The following DNAH10 variants were observed in gnomAD, a reference collection of about 807,000 sequenced individuals.
DNAH10 encodes dynein axonemal heavy chain 10, also known as axonemal beta dynein heavy chain 10.
Under a neutral mutation model 506.6 loss-of-function variants are expected in DNAH10, and 348 were observed. The ratio of observed to expected loss-of-function variants is 0.69; its 90% CI spans 0.63 to 0.75. The LOEUF is 0.75. DNAH10 is among the 30% of genes least tolerant of loss of function. DNAH10 has a pLI of 0.00. For missense variants in DNAH10, 5,179 were observed against 5,787.1 expected (o/e 0.89, Z 3.41); for synonymous variants, 2,059 against 2,198.6 (o/e 0.94, Z 1.78).
intron 67 of DNAH10, 148 bp from the exon 68 acceptor site, chr12:123,924,902 G>C (rs1954873465): frequency 1.9e-6 from 2 of 1,027,498 alleles, no homozygotes; most frequent in African/African-American, 1.6e-5. Context: ...TTTGGGGGTA[G>C]AGAATGACAG....
intron 10 of DNAH10, among the ~76,000 whole-genome samples, chr12:123,788,570 G>T (rs918487779): frequency 7.2e-5 from 11 of 152,200 alleles, no homozygotes; most frequent in Non-Finnish European, 1.5e-4. Flanking sequence ...CGGTGTGGCA[G>T]TGCCCAGCCC....
chr12:123,818,320 T>G (rs896578121), intron 21 of DNAH10, among the ~76,000 whole-genome samples: 1 of 152,212 alleles, frequency 6.6e-6, no homozygotes, highest in African/African-American at 2.4e-5. Flanking sequence ...TAATATTTAT[T>G]TTTATTTTAC....
chr12:123,912,926 A>C (rs1442694892), intron 59 of DNAH10, among the ~76,000 whole-genome samples, 172 bp from the exon 60 acceptor site: 2 of 152,210 alleles, frequency 1.3e-5, no homozygotes, highest in Non-Finnish European at 2.9e-5. Context: ...TTTTTGCAGC[A>C]AACAGTCGAA....
intron 24 of DNAH10, among the ~76,000 whole-genome samples, chr12:123,823,511 A>C (rs1959641887): frequency 6.6e-6 from 1 of 152,240 alleles, no homozygotes; most frequent in Non-Finnish European, 1.5e-5. Flanking sequence ...TGCCTGCACC[A>C]GGCAAAAAAT....
At chr12:123,772,261 T>C (rs1957280881) in intron 3 of DNAH10, among the ~76,000 whole-genome samples, 1 of 152,176 alleles carries the variant, frequency 6.6e-6, no homozygotes, top group African/African-American at 2.4e-5. Flanking sequence ...AAACAGGCAT[T>C]CACCAAACTC....
At chr12:123,830,806 G>A (rs1021070605) in intron 26 of DNAH10, 107 bp downstream of exon 26, 28 of 1,149,816 alleles carry the variant, frequency 2.4e-5, no homozygotes, top group African/African-American at 2.1e-4. Flanking sequence ...TTAGCTGAGC[G>A]TGGTGGTATG....
At chr12:123,877,247 C>G (rs978192943) in intron 47 of DNAH10, among the ~76,000 whole-genome samples, 1 of 152,024 alleles carries the variant, frequency 6.6e-6, no homozygotes, top group Admixed American at 6.6e-5. Context: ...GCTTGCTTCA[C>G]TCCTCATCAT....
intron 44 of DNAH10, 139 bp downstream of exon 44, chr12:123,870,624 G>C: frequency 7.8e-7 from 1 of 1,289,134 alleles, no homozygotes; most frequent in Non-Finnish European, 1.0e-6. Context: ...TGAAGAGGGT[G>C]AGCTGTGGGC....
intron 61 of DNAH10, 137 bp downstream of exon 61, chr12:123,914,687 C>A: frequency 7.2e-7 from 1 of 1,387,336 alleles, no homozygotes; most frequent in Non-Finnish European, 9.6e-7. Context: ...TGGAAGTGGC[C>A]GGGCAAGCTG....
rs1955037206 is a variant in DNAH10 at position 123,928,357 on chromosome 12, C to T, written c.12106-30C>T. 2 of 1,557,242 alleles carry T rather than the reference C, an allele frequency of 1.3e-6. No individual in the cohort carries two copies. Among genetic ancestry groups the T allele is most frequent in the African/African-American group, 1.4e-5 (1 of 73,478 alleles). On this transcript the variant is annotated intron_variant, in intron 69 of 78. Coordinates refer to ENST00000673944, the MANE Select transcript of DNAH10 (RefSeq NM_001372106.1). The surrounding 1 kb of genome is among the most constrained non-coding windows in gnomAD (Gnocchi z 4.9). ...CACGGGGTTGGGTTTGGATGCCAAC[C>T]CCTCTCCTCTTCCCTCTCCCCCGGC...
intron 1 of DNAH10, among the ~76,000 whole-genome samples, chr12:123,764,064 C>T (rs939407190): frequency 6.6e-6 from 1 of 152,086 alleles, no homozygotes; most frequent in Non-Finnish European, 1.5e-5. Context: ...CAGGGTTTCA[C>T]CATGTTGGCC....
chr12:123,806,753 T>G (rs1488667688), intron 18 of DNAH10, among the ~76,000 whole-genome samples: 3 of 151,982 alleles, frequency 2.0e-5, no homozygotes, highest in Non-Finnish European at 2.9e-5. Context: ...AGTGTTTCCC[T>G]TACTAATATG....
chr12:123,878,895 T>G (rs1359216669), intron 48 of DNAH10, among the ~76,000 whole-genome samples: 5 of 152,134 alleles, frequency 3.3e-5, no homozygotes, highest in Admixed American at 1.3e-4. Context: ...AGACCCCACC[T>G]CTTAAAAAAA....
intron 35 of DNAH10, among the ~76,000 whole-genome samples, chr12:123,851,378 T>C (rs1951168846): frequency 6.6e-6 from 1 of 151,190 alleles, no homozygotes; most frequent in African/African-American, 2.5e-5. Flanking sequence ...ATGTGGCTCT[T>C]CCAGACTGGG....
chr12:123,858,555 C>T (rs532353778), intron 37 of DNAH10, among the ~76,000 whole-genome samples: 58 of 152,282 alleles, frequency 3.8e-4, no homozygotes, highest in Middle Eastern at 3.4e-3. Flanking sequence ...CCGAGAGTTA[C>T]CATAAGACCC....
chr12:123,846,275 C>G lies in DNAH10; in HGVS notation c.5814+121C>G. ...AGGGGAGATCATTGCTTTGAAATCT[C>G]GAAAAGCTTTTCCATTTGGGATGTG... is the stretch of plus-strand genomic sequence containing the variant. On this transcript the variant is annotated intron_variant, in intron 32 of 78. Coordinates refer to ENST00000673944, the MANE Select transcript of DNAH10 (RefSeq NM_001372106.1). This position sits in a 1 kb window ranked among gnomAD's most constrained non-coding sequence, Gnocchi z 4.5. The G allele has an allele frequency of 7.8e-7, 1 of 1,279,114 alleles. No homozygotes were observed. Among genetic ancestry groups the G allele is most frequent in the South Asian group, 1.6e-5 (1 of 63,552 alleles). The allele number at this position is 1,279,114 out of a possible 1,614,324, so 79.2% of individuals were successfully genotyped here. A position where few individuals can be genotyped will look rare whatever the true frequency, so the allele number is the denominator to read the frequency against.
chr12:123,841,237 G>A, intron 29 of DNAH10, 85 bp from the exon 30 acceptor site: 1 of 1,425,098 alleles, frequency 7.0e-7, no homozygotes, highest in Non-Finnish European at 9.9e-7. Flanking sequence ...CATCGTGGCA[G>A]CTCTGCTGGA....
At chr12:123,801,761 C>T (rs143870680) in intron 16 of DNAH10, among the ~76,000 whole-genome samples, 137 of 152,184 alleles carry the variant, frequency 9.0e-4, no homozygotes, top group Middle Eastern at 3.4e-3. Context: ...ACAGAGGGAG[C>T]CTTCGTACCC....
chr12:123,902,567 G>A lies in DNAH10; in HGVS notation c.9641-372G>A, dbSNP rs1953571589. Among the ~76,000 whole-genome samples the A allele has an allele frequency of 6.6e-6, 1 of 152,206 alleles. No individual in the cohort carries two copies. The highest frequency in any genetic ancestry group is 2.4e-5 in the African/African-American group (1 of 41,456). On this transcript the variant is annotated intron_variant, in intron 56 of 78. Coordinates refer to ENST00000673944, the MANE Select transcript of DNAH10 (RefSeq NM_001372106.1). This position sits in a 1 kb window ranked among gnomAD's most constrained non-coding sequence, Gnocchi z 4.5. ...CCGAGTGAGCGTAGGAAGAGGCGAT[G>A]AGAGGCAGAAGGAGGAGATCGCAGG...
Sources: gnomAD v4.1 joint callset for allele counts (sites outside exome capture counted in the v4.1 genomes callset) on GRCh38, gnomAD v4.1.1 for gene constraint, Gnocchi (gnomAD v3.1) non-coding constraint, MANE v1.5 for transcripts, NCBI Gene and HGNC (gene_info 2026-07-23, HGNC 2026-07-21) for gene names.